Variants in NOTCH2 observed in about 807,000 individuals in gnomAD.
NOTCH2 encodes neurogenic locus notch homolog protein 2.
Under a neutral mutation model 235.8 loss-of-function variants are expected in NOTCH2, and 29 were observed. The observed-to-expected ratio is 0.12, with a 90% CI of 0.09 to 0.17. NOTCH2 has a LOEUF of 0.17. Among genes scored for constraint, NOTCH2 ranks in the 10% least tolerant of loss-of-function variants. The pLI is 1.00. For synonymous variants in NOTCH2, 1,086 were observed against 1,141.5 expected, an observed-to-expected ratio of 0.95 and a Z score of 0.98; for missense variants, 2,285 against 3,150.2, an observed-to-expected ratio of 0.73 and a Z score of 6.57.
At chr1:119,925,258 G>A in intron 25 of NOTCH2, 47 bp downstream of exon 25, 1 of 1,610,770 alleles carries the variant, frequency 6.2e-7, no homozygotes, top group Non-Finnish European at 8.5e-7. Context: ...AAACTGAAGT[G>A]TGTTAGTGAC....
At chr1:119,958,724 G>C (rs1230908336) in intron 12 of NOTCH2, among the ~76,000 whole-genome samples, 1 of 151,642 alleles carries the variant, frequency 6.6e-6, no homozygotes, top group Non-Finnish European at 1.5e-5. Context: ...ATGTGTGTGT[G>C]TGTGTGTGTG....
In NOTCH2 at chr1:119,937,372, G is replaced by A. The variant is rs2101099056; in HGVS notation, c.3432C>T (p.Ser1144=). Reference sequence around the variant, plus strand: ...ACTCATCGAGTTGCTCCTCACAGTAGCTCCCAGTATAGCCCAGGGGGCACT... The same window carrying A: ...ACTCATCGAGTTGCTCCTCACAGTAACTCCCAGTATAGCCCAGGGGGCACT... ...YCQCPLGYTG[S]YCEEQLDECA... is the part of the protein sequence containing the mutation. Residue 1144 remains serine, a synonymous_variant, in exon 21 of 34, where the codon AGC becomes AGT. Coordinates refer to ENST00000256646, the MANE Select transcript of NOTCH2 (RefSeq NM_024408.4). 1 of 1,614,132 alleles carries A rather than the reference G, an allele frequency of 6.2e-7. No individual in the cohort carries two copies. Among genetic ancestry groups the A allele is most frequent in the Non-Finnish European group, 8.5e-7 (1 of 1,180,040 alleles).
intron 18 of NOTCH2, 106 bp from the exon 19 acceptor site, chr1:119,940,862 G>GT: frequency 3.0e-6 from 3 of 986,856 alleles, no homozygotes; most frequent in Non-Finnish European, 4.7e-6. Flanking sequence ...AAATACCTCT[G>GT]AGCAACCCAT....
chr1:120,060,416 G>A (rs1393418946), intron 1 of NOTCH2, among the ~76,000 whole-genome samples: 1 of 146,484 alleles, frequency 6.8e-6, no homozygotes, highest in Non-Finnish European at 1.5e-5. Flanking sequence ...ATGTGTGTGT[G>A]CATATATATA....
chr1:119,915,039 G>A lies in NOTCH2; in HGVS notation c.*267C>T, dbSNP rs1347078459. The A allele has an allele frequency of 7.7e-6, 4 of 517,656 alleles. No individual in the cohort carries two copies. The Admixed American group carries it at 9.6e-5, about 12-fold the overall frequency. 32.1% of individuals were successfully genotyped at this position (517,656 alleles called of 1,614,324 possible). A position where few individuals can be genotyped will look rare whatever the true frequency, so the allele number is the denominator to read the frequency against. On this transcript the variant is annotated 3_prime_UTR_variant, in exon 34 of 34. Coordinates refer to ENST00000256646, the MANE Select transcript of NOTCH2 (RefSeq NM_024408.4). The stretch of plus-strand genomic sequence containing the variant: ...CATCCATCTTATTCTCCAAATAGAA[G>A]AGAGTAAACATGGACCCAAGGCTTG...
At position 119,923,921 on chromosome 1, in the gene NOTCH2, C is replaced by A. The variant is rs1214196530; in HGVS notation, c.4575G>T (p.Glu1525Asp). 1 of 1,614,228 alleles carries A rather than the reference C, an allele frequency of 6.2e-7. No individual in the cohort carries two copies. The highest frequency in any genetic ancestry group is 8.5e-7 in the Non-Finnish European group (1 of 1,180,042). ...AGTCCAGCCCATCCCAACCACACTCCTCACTGTTGCACCCCTGGTCACAGT... is the reference window on the plus strand; with the variant it reads ...AGTCCAGCCCATCCCAACCACACTCATCACTGTTGCACCCCTGGTCACAGT... ...DNHCDQGCNS[E>D]ECGWDGLDCA... Residue 1525 changes from glutamate to aspartate, a missense_variant, in exon 26 of 34, where the codon GAG (glutamate) becomes GAT (aspartate). Around this residue, in one of 6 missense-constraint regions of NOTCH2, gnomAD observed 1,173 missense variants for 1,515.3 expected, o/e 0.77. Coordinates refer to ENST00000256646, the MANE Select transcript of NOTCH2 (RefSeq NM_024408.4).
At chr1:119,938,134 T>C in intron 19 of NOTCH2, 124 bp from the exon 20 acceptor site, 1 of 1,094,352 alleles carries the variant, frequency 9.1e-7, no homozygotes, top group Admixed American at 2.1e-5. Flanking sequence ...AGAGCCTTCA[T>C]CTAGTAAAAG....
intron 23 of NOTCH2, 44 bp from the exon 24 acceptor site, chr1:119,926,655 G>A (rs773308413): frequency 3.4e-6 from 5 of 1,477,880 alleles, no homozygotes; most frequent in Admixed American, 2.0e-5. Flanking sequence ...GGCAGAAGTA[G>A]TCACTGCAAG....
intron 2 of NOTCH2, among the ~76,000 whole-genome samples, chr1:120,025,702 C>G (rs1401225990): frequency 9.7e-6 from 1 of 102,798 alleles, no homozygotes; most frequent in Non-Finnish European, 1.9e-5. Flanking sequence ...ATAGACAACC[C>G]AGATGTTAAG....
chr1:119,965,302 C>CA (rs760147297), intron 10 of NOTCH2, 151 bp downstream of exon 10: 3 of 764,330 alleles, frequency 3.9e-6, no homozygotes, highest in African/African-American at 1.7e-5. Context: ...AAGAGAGCAG[C>CA]AAAAAATTTG....
intron 18 of NOTCH2, among the ~76,000 whole-genome samples, chr1:119,941,163 C>T (rs1370533229): frequency 2.6e-5 from 4 of 152,050 alleles, no homozygotes; most frequent in Admixed American, 6.6e-5. Flanking sequence ...AGAAATGAAA[C>T]AAAACTCCCA....
At chr1:119,985,660 C>G (rs1451775352) in intron 5 of NOTCH2, among the ~76,000 whole-genome samples, 1 of 152,078 alleles carries the variant, frequency 6.6e-6, no homozygotes, top group Non-Finnish European at 1.5e-5. Context: ...CTGTCCAATA[C>G]TGTAAGGATC....
chr1:119,924,463 AG>A (rs1193286914), intron 25 of NOTCH2, among the ~76,000 whole-genome samples: 5 of 152,180 alleles, frequency 3.3e-5, no homozygotes, highest in Non-Finnish European at 7.3e-5. Context: ...CCCTTTCAAG[AG>A]TGAATCCCAA....
chr1:119,963,470 GT>G, intron 11 of NOTCH2, 103 bp downstream of exon 11: 1 of 1,078,154 alleles, frequency 9.3e-7, no homozygotes, highest in Non-Finnish European at 1.4e-6. Context: ...AATCAGGACT[GT>G]TTTTTAGGTA....
At chr1:119,953,090 T>C (rs1650543308) in intron 14 of NOTCH2, among the ~76,000 whole-genome samples, 1 of 152,202 alleles carries the variant, frequency 6.6e-6, no homozygotes, top group East Asian at 1.9e-4. Context: ...GGTGGGCAGA[T>C]CACCTGAGGT....
At chr1:119,946,038 T>C (rs587613489) in intron 17 of NOTCH2, among the ~76,000 whole-genome samples, 10 of 152,054 alleles carry the variant, frequency 6.6e-5, no homozygotes, top group Non-Finnish European at 1.3e-4. Context: ...TAAAGCACAG[T>C]AAGGAAATGT....
At position 119,912,881 on chromosome 1, in the gene NOTCH2, G is replaced by A. The variant is rs1003008560; in HGVS notation, c.*2425C>T. On this transcript the variant is annotated 3_prime_UTR_variant, in exon 34 of 34. Transcript: ENST00000256646. Reference sequence around the variant, plus strand: ...CTGAAACCTGTTGTCTGTAATGACAGCTTTCACATTCCCTTTCTCCAAACC... The same window carrying A: ...CTGAAACCTGTTGTCTGTAATGACAACTTTCACATTCCCTTTCTCCAAACC... 8.6e-6 allele frequency: 2 copies of A among 233,640 alleles called. No homozygotes were observed. Among genetic ancestry groups the A allele is most frequent in the Non-Finnish European group, 8.5e-6 (1 of 117,982 alleles). 14.5% of individuals were successfully genotyped at this position (233,640 alleles called of 1,614,324 possible). A position where few individuals can be genotyped will look rare whatever the true frequency, so the allele number is the denominator to read the frequency against.
In NOTCH2 at chr1:119,937,538, C is replaced by T. The variant is rs954227387; in HGVS notation, c.3338-72G>A. On this transcript the variant is annotated intron_variant, in intron 20 of 33. Transcript: ENST00000256646. ...CATGGGGTTCAAATCAACCAATGAG[C>T]AAGTAAATCTAAACTGGCTGACACA... 4.9e-6 allele frequency: 7 copies of T among 1,421,850 alleles called. No homozygotes were observed. The African/African-American group carries it at 5.6e-5, about 11-fold the overall frequency. 88.1% of individuals were successfully genotyped at this position (1,421,850 alleles called of 1,614,324 possible). A position where few individuals can be genotyped will look rare whatever the true frequency, so the allele number is the denominator to read the frequency against.
chr1:119,945,861 A>C (rs1267456193), intron 17 of NOTCH2, among the ~76,000 whole-genome samples: 1 of 152,100 alleles, frequency 6.6e-6, no homozygotes, highest in Non-Finnish European at 1.5e-5. Flanking sequence ...TAGAGGACAT[A>C]AAAGACCTGA....
Sources: gnomAD v4.1 joint callset for allele counts (sites outside exome capture counted in the v4.1 genomes callset) on GRCh38, gnomAD v4.1.1 for gene constraint, gnomAD v4.1.1 regional missense constraint, MANE v1.5 for transcripts, NCBI Gene and HGNC (gene_info 2026-07-23, HGNC 2026-07-21) for gene names.